ERBIN: variants seen among roughly 807,000 people sequenced by gnomAD.
ERBIN encodes the protein erbb2 interacting protein.
In ERBIN, 60 loss-of-function variants were observed where a neutral mutation model predicts 158.4. That is an observed-to-expected ratio of 0.38 (90% CI 0.31 to 0.47). ERBIN has a LOEUF of 0.47. Ranked by LOEUF, ERBIN falls within the 20% of genes least tolerant of loss-of-function variation. The probability of loss-of-function intolerance (pLI) is 0.99; values close to 1 mark genes in which losing one functional copy is unlikely to be tolerated. For missense variants in ERBIN, 1,610 were observed against 1,648.0 expected, an observed-to-expected ratio of 0.98 and a Z score of 0.40; for synonymous variants, 594 against 557.2, an observed-to-expected ratio of 1.07 and a Z score of -0.93.
intron 1 of ERBIN, among the ~76,000 whole-genome samples, chr5:65,977,240 G>A (rs575617703): frequency 0.027 from 3,873 of 144,252 alleles, 52 homozygotes; most frequent in African/African-American, 0.064. Flanking sequence ...CTGGCCGGGC[G>A]GGGGGCTGAC....
Position 66,050,858 on chromosome 5 carries a change from C to A in ERBIN, c.1979C>A (p.Ser660Tyr). The A allele has an allele frequency of 6.2e-7, 1 of 1,602,966 alleles. No individual in the cohort carries two copies. The highest frequency in any genetic ancestry group is 8.5e-7 in the Non-Finnish European group (1 of 1,175,696). ...NSNQNNSNCS[S>Y]PSRMSDSVSL... ...AATCAGAATAACAGCAATTGTTCTTCTCCATCTCGGATGTCTGATTCAGTT... is the reference window on the plus strand; with the variant it reads ...AATCAGAATAACAGCAATTGTTCTTATCCATCTCGGATGTCTGATTCAGTT... Residue 660 changes from serine to tyrosine, a missense_variant, in exon 20 of 26, where the codon TCT (serine) becomes TAT (tyrosine). Transcript: ENST00000284037.
At chr5:66,003,923 CTTTTTTTTTTTTTT>C (rs35063438) in intron 4 of ERBIN, among the ~76,000 whole-genome samples, 1 of 62,642 alleles carries the variant, frequency 1.6e-5, no homozygotes, top group East Asian at 5.3e-4. Flanking sequence ...GAGCAGCAGT[CTTTTTTTTTTTTTT>C]TTTTTTTTTT....
At chr5:65,985,430 G>T (rs1328081267) in intron 1 of ERBIN, among the ~76,000 whole-genome samples, 2 of 152,174 alleles carry the variant, frequency 1.3e-5, no homozygotes, top group Non-Finnish European at 2.9e-5. Context: ...ATTTTATACT[G>T]TACCTTTTAC....
chr5:66,027,342 G>A (rs942847995), intron 13 of ERBIN, among the ~76,000 whole-genome samples: 12 of 151,992 alleles, frequency 7.9e-5, no homozygotes, highest in African/African-American at 2.9e-4. Context: ...ACGGCCCACA[G>A]TGGGTTGCTG....
At chr5:66,010,645 A>G (rs1754105012) in intron 4 of ERBIN, among the ~76,000 whole-genome samples, 1 of 151,834 alleles carries the variant, frequency 6.6e-6, no homozygotes, top group South Asian at 2.1e-4. Context: ...ATTGTGGTAA[A>G]GTTGTTTACT....
chr5:66,005,586 T>C (rs1753496059), intron 4 of ERBIN, among the ~76,000 whole-genome samples: 1 of 152,078 alleles, frequency 6.6e-6, no homozygotes, highest in South Asian at 2.1e-4. Flanking sequence ...GGGTATTCAG[T>C]TAGGAAAAGA....
intron 1 of ERBIN, among the ~76,000 whole-genome samples, chr5:65,971,935 A>C (rs1253371216): frequency 6.6e-6 from 1 of 152,230 alleles, no homozygotes; most frequent in African/African-American, 2.4e-5. Context: ...AAGGGAGAAT[A>C]GCTCTCACAA....
In ERBIN at chr5:66,043,234, A is replaced by C. The variant is rs564789692; in HGVS notation, c.1428+36A>C. The C allele has an allele frequency of 1.4e-5, 22 of 1,601,966 alleles. No homozygotes were observed. In the South Asian group the frequency reaches 2.3e-4, roughly 17 times the overall value. ...TCTTTATTCTTTAAAATTTGAAACA[A>C]GTCTGCTGATATTTAAGTTGGTATT... On this transcript the variant is annotated intron_variant, in intron 16 of 25. Coordinates refer to ENST00000284037, the MANE Select transcript of ERBIN (RefSeq NM_001253697.2).
chr5:66,009,896 A>G (rs941157718), intron 4 of ERBIN, among the ~76,000 whole-genome samples: 31 of 152,216 alleles, frequency 2.0e-4, no homozygotes, highest in Non-Finnish European at 1.2e-4. Context: ...ACCAAAATCA[A>G]TGTAAGAAGT....
intron 4 of ERBIN, among the ~76,000 whole-genome samples, chr5:66,001,880 G>A (rs938892559): frequency 2.6e-5 from 4 of 152,010 alleles, no homozygotes. Context: ...ACGTGCCATG[G>A]TGGTTTGCTG....
chr5:66,001,607 G>C (rs554005827), intron 4 of ERBIN, among the ~76,000 whole-genome samples: 1 of 152,256 alleles, frequency 6.6e-6, no homozygotes, highest in African/African-American at 2.4e-5. Context: ...CTGTAAGATT[G>C]TTAAACACAT....
intron 4 of ERBIN, among the ~76,000 whole-genome samples, chr5:66,009,592 G>A (rs1753989707): frequency 6.6e-6 from 1 of 152,172 alleles, no homozygotes; most frequent in African/African-American, 2.4e-5. Flanking sequence ...TGAGTTTAGA[G>A]ATCAGGATAG....
At chr5:65,984,531 G>C (rs943256638) in intron 1 of ERBIN, among the ~76,000 whole-genome samples, 1 of 152,210 alleles carries the variant, frequency 6.6e-6, no homozygotes, top group Non-Finnish European at 1.5e-5. Flanking sequence ...GCCCATGATT[G>C]GGAACTCACC....
chr5:66,014,666 C>A lies in ERBIN; in HGVS notation c.477-3C>A. On this transcript the variant is annotated splice_polypyrimidine_tract_variant and splice_region_variant and intron_variant, in intron 6 of 25. Coordinates refer to ENST00000284037, the MANE Select transcript of ERBIN (RefSeq NM_001253697.2). ...AATACATGATTTTTTTTTTGTATTG[C>A]AGATTAACTAAACTCCAAATATTAG... 1 of 1,338,130 alleles carries A rather than the reference C, an allele frequency of 7.5e-7. No homozygotes were observed. Among genetic ancestry groups the A allele is most frequent in the Non-Finnish European group, 1.0e-6 (1 of 976,846 alleles). 82.9% of individuals were successfully genotyped at this position (1,338,130 alleles called of 1,614,324 possible). A position where few individuals can be genotyped will look rare whatever the true frequency, so the allele number is the denominator to read the frequency against.
chr5:66,073,151 G>A (rs978153468), intron 22 of ERBIN, among the ~76,000 whole-genome samples: 2 of 152,086 alleles, frequency 1.3e-5, no homozygotes, highest in Non-Finnish European at 2.9e-5. Context: ...CCATGTGTAT[G>A]TTTAACACTG....
chr5:65,952,370 A>G (rs1219349034), intron 1 of ERBIN, among the ~76,000 whole-genome samples: 2 of 152,024 alleles, frequency 1.3e-5, no homozygotes, highest in Admixed American at 6.6e-5. Flanking sequence ...TTTTAAAGAG[A>G]TGGGCTCTCA....
At chr5:66,048,878 A>T in intron 19 of ERBIN, 97 bp downstream of exon 19, 1 of 691,656 alleles carries the variant, frequency 1.4e-6, no homozygotes, top group Non-Finnish European at 2.3e-6. Flanking sequence ...GTTATTTGAT[A>T]CATTTTAGAA....
chr5:65,942,405 GT>G (rs1472826196), intron 1 of ERBIN, among the ~76,000 whole-genome samples: 10 of 152,316 alleles, frequency 6.6e-5, no homozygotes, highest in South Asian at 4.1e-4. Flanking sequence ...GAAAAAAAGA[GT>G]TTTGGGCTCA....
At chr5:66,050,675 C>T (rs1758928756) in intron 19 of ERBIN, 108 bp from the exon 20 acceptor site, 1 of 565,176 alleles carries the variant, frequency 1.8e-6, no homozygotes, top group Non-Finnish European at 3.0e-6. Context: ...TAATTTATTA[C>T]CTCATATATA....
Sources: allele counts gnomAD v4.1 joint callset (sites outside exome capture counted in the v4.1 genomes callset), GRCh38; gene constraint gnomAD v4.1.1; transcripts MANE v1.5; gene names NCBI Gene and HGNC (gene_info 2026-07-23, HGNC 2026-07-21).